The following PRRG1 variants were observed in gnomAD, a reference collection of about 807,000 sequenced individuals.
PRRG1 encodes the protein proline rich and Gla domain 1, also known as transmembrane gamma-carboxyglutamic acid protein 1.
Under a neutral mutation model 11.8 loss-of-function variants are expected in PRRG1, and 5 were observed. The observed-to-expected ratio is 0.42, with a 90% CI of 0.22 to 0.89. PRRG1 has a LOEUF of 0.89. PRRG1 is among the 40% of genes least tolerant of loss of function. The probability of loss-of-function intolerance (pLI) is 0.28; values close to 1 mark genes in which losing one functional copy is unlikely to be tolerated. For synonymous variants in PRRG1, 66 were observed against 60.4 expected, an observed-to-expected ratio of 1.09 and a Z score of -0.43; for missense variants, 155 against 166.1, an observed-to-expected ratio of 0.93 and a Z score of 0.37.
At chrX:37,392,672 A>AAAAG (rs1326864762) in intron 1 of PRRG1, among the ~76,000 whole-genome samples, 1 of 109,056 alleles carries the variant, frequency 9.2e-6, no homozygotes, top group East Asian at 2.8e-4. Context: ...AAAAAAAAAA[A>AAAAG]AAAGAAAGAA....
intron 1 of PRRG1, among the ~76,000 whole-genome samples, chrX:37,356,923 C>T (rs1303953588): frequency 9.0e-6 from 1 of 110,683 alleles, no homozygotes; most frequent in Non-Finnish European, 1.9e-5. Flanking sequence ...TCACCTAAAG[C>T]TAATTGTTTA....
intron 1 of PRRG1, among the ~76,000 whole-genome samples, chrX:37,357,016 T>C (rs1930256755): frequency 8.9e-6 from 1 of 111,873 alleles, no homozygotes; most frequent in Non-Finnish European, 1.9e-5. Flanking sequence ...ATTAATATTA[T>C]GATATGATAT....
chrX:37,401,761 T>A (rs1336111061), intron 1 of PRRG1, among the ~76,000 whole-genome samples: 3 of 111,281 alleles, frequency 2.7e-5, no homozygotes, highest in Non-Finnish European at 5.7e-5. Flanking sequence ...AAAATCTCCT[T>A]AAGCTGATAA....
chrX:37,416,776 G>A (rs782166397), intron 2 of PRRG1, among the ~76,000 whole-genome samples: 1 of 112,432 alleles, frequency 8.9e-6, no homozygotes, highest in African/African-American at 3.2e-5. Context: ...TTTGATTGGT[G>A]TAATCTGCCA....
intron 2 of PRRG1, among the ~76,000 whole-genome samples, chrX:37,411,982 T>G (rs782018157): frequency 9.0e-6 from 1 of 111,637 alleles, no homozygotes; most frequent in East Asian, 2.8e-4. Flanking sequence ...ATTTAGTCTT[T>G]GGAAATAGGT....
intron 1 of PRRG1, among the ~76,000 whole-genome samples, chrX:37,392,028 C>T (rs1931555926): frequency 9.1e-6 from 1 of 110,005 alleles, no homozygotes; most frequent in Non-Finnish European, 1.9e-5. Context: ...TTCAGTAAGC[C>T]ATTTCATTGT....
chrX:37,403,721 G>A lies in PRRG1; in HGVS notation c.-41-2488G>A, dbSNP rs199715445. 8.0e-6 allele frequency: 6 copies of A among 748,494 alleles called. No homozygotes were observed. The East Asian group carries it at 9.1e-4, about 114-fold the overall frequency. The allele number at this position is 748,494 out of a possible 1,213,427, so 61.7% of individuals were successfully genotyped here. A position where few individuals can be genotyped will look rare whatever the true frequency, so the allele number is the denominator to read the frequency against. ...CACAGACAAAAAAGAAGGGACCAGA[G>A]ACTAGAACAGCAGAGGATCCGAATG... On this transcript the variant is annotated intron_variant, in intron 1 of 3. Transcript: ENST00000378628.
intron 3 of PRRG1, among the ~76,000 whole-genome samples, chrX:37,446,202 A>G (rs1556395148): frequency 1.8e-5 from 2 of 112,369 alleles, no homozygotes; most frequent in South Asian, 7.4e-4. Flanking sequence ...TAAGAGGAGT[A>G]TAGAAGATAC....
intron 1 of PRRG1, chrX:37,403,737 G>T: frequency 1.3e-6 from 1 of 752,981 alleles, no homozygotes; most frequent in Non-Finnish European, 1.6e-6. Context: ...AACAGCAGAG[G>T]ATCCGAATGG....
chrX:37,418,289 C>T lies in PRRG1; in HGVS notation c.11-7551C>T, dbSNP rs913929274. On this transcript the variant is annotated intron_variant, in intron 2 of 3. Transcript: ENST00000378628. ...TATTGGCTCTCTTAGACTTCAACAA[C>T]ATATCTCAAAAGGCAGCTTTCATGT... Among the ~76,000 whole-genome samples, 5 of 112,266 alleles carry T rather than the reference C, an allele frequency of 4.5e-5. No individual in the cohort carries two copies. In the Admixed American group the frequency reaches 4.7e-4, roughly 11 times the overall value.
At chrX:37,440,089 C>T (rs962479726) in intron 3 of PRRG1, among the ~76,000 whole-genome samples, 9 of 111,220 alleles carry the variant, frequency 8.1e-5, no homozygotes, top group Non-Finnish European at 1.5e-4. Context: ...CAGGAGCCAC[C>T]GTGCCTGACC....
intron 1 of PRRG1, among the ~76,000 whole-genome samples, chrX:37,388,134 T>C (rs1443562997): frequency 1.8e-5 from 2 of 112,113 alleles, no homozygotes; most frequent in Admixed American, 1.9e-4. Context: ...CCCAAGGCCT[T>C]GGGCAGCTCC....
chrX:37,376,652 C>G (rs782747054), intron 1 of PRRG1, among the ~76,000 whole-genome samples: 1 of 95,270 alleles, frequency 1.0e-5, no homozygotes, highest in Non-Finnish European at 2.1e-5. Flanking sequence ...TATTTCCTTG[C>G]GGGCAAAAAA....
At chrX:37,408,402 C>T (rs1556382657) in intron 2 of PRRG1, among the ~76,000 whole-genome samples, 1 of 111,756 alleles carries the variant, frequency 8.9e-6, no homozygotes, top group Non-Finnish European at 1.9e-5. Flanking sequence ...CCAGGTATGT[C>T]GTTGACATAG....
intron 1 of PRRG1, among the ~76,000 whole-genome samples, chrX:37,370,075 A>G (rs1281096445): frequency 1.8e-5 from 2 of 111,753 alleles, no homozygotes; most frequent in African/African-American, 6.5e-5. Flanking sequence ...GGTTTCATAT[A>G]AATGAGATTA....
chrX:37,378,314 C>G (rs1556372964), intron 1 of PRRG1, among the ~76,000 whole-genome samples: 6 of 111,578 alleles, frequency 5.4e-5, no homozygotes, highest in Non-Finnish European at 7.6e-5. Flanking sequence ...AAGGACTTTT[C>G]TATGTTTCGT....
At chrX:37,414,778 A>G (rs1334215611) in intron 2 of PRRG1, among the ~76,000 whole-genome samples, 2 of 112,573 alleles carry the variant, frequency 1.8e-5, no homozygotes, top group Non-Finnish European at 3.8e-5. Flanking sequence ...ATTACCATCC[A>G]CCTTTTGAGG....
chrX:37,419,744 T>A (rs1229039110), intron 2 of PRRG1, among the ~76,000 whole-genome samples: 1 of 111,614 alleles, frequency 9.0e-6, no homozygotes, highest in Non-Finnish European at 1.9e-5. Context: ...CCACTGGTCA[T>A]GTAGCTGAAA....
rs188146864 is a variant in PRRG1, at chrX:37,456,041, C to T, written c.*2420C>T. 2.6e-4 allele frequency: 29 copies of T among 112,317 alleles called. No homozygotes were observed. The highest frequency in any genetic ancestry group is 8.4e-4 in the African/African-American group (26 of 31,021). 9.3% of individuals were successfully genotyped at this position (112,317 alleles called of 1,213,427 possible). A position where few individuals can be genotyped will look rare whatever the true frequency, so the allele number is the denominator to read the frequency against. On this transcript the variant is annotated 3_prime_UTR_variant, in exon 4 of 4. Coordinates refer to ENST00000378628, the MANE Select transcript of PRRG1 (RefSeq NM_001142395.2). Reference sequence around the variant, plus strand: ...AATGTAAAACATTGCCATCTTCTCACAAATCTCTTTTTTTGTTTTTGAAAA... The same window carrying T: ...AATGTAAAACATTGCCATCTTCTCATAAATCTCTTTTTTTGTTTTTGAAAA...
Sources: allele counts gnomAD v4.1 joint callset (sites outside exome capture counted in the v4.1 genomes callset), GRCh38; gene constraint gnomAD v4.1.1; transcripts MANE v1.5; gene names NCBI Gene and HGNC (gene_info 2026-07-23, HGNC 2026-07-21).